NVL: variants seen among roughly 807,000 people sequenced by gnomAD.
NVL encodes the protein nuclear VCP like, also known as nuclear valosin-containing protein-like.
In NVL, 84 loss-of-function variants were observed where a neutral mutation model predicts 110.2. The ratio of observed to expected loss-of-function variants is 0.76; its 90% CI spans 0.64 to 0.91. The LOEUF is 0.91. Ranked by LOEUF, NVL falls within the 40% of genes least tolerant of loss-of-function variation. The pLI is 0.00. For synonymous variants in NVL, 354 were observed against 361.1 expected (o/e 0.98, Z 0.22); for missense variants, 882 against 1,035.9 (o/e 0.85, Z 2.04).
At chr1:224,258,831 T>C (rs74942340) in intron 18 of NVL, among the ~76,000 whole-genome samples, 8,484 of 151,916 alleles carry the variant, frequency 0.056, 275 homozygotes, top group East Asian at 0.098. Flanking sequence ...ATATCCAGAA[T>C]AGACAAATTT....
chr1:224,260,030 C>T (rs568020729), intron 18 of NVL, among the ~76,000 whole-genome samples: 1 of 152,280 alleles, frequency 6.6e-6, no homozygotes, highest in South Asian at 2.1e-4. Flanking sequence ...AGCCAAAGTT[C>T]TGGCTGGGCA....
chr1:224,289,149 G>C (rs1007012703), intron 13 of NVL: 1 of 229,600 alleles, frequency 4.4e-6, no homozygotes, highest in African/African-American at 2.3e-5. Flanking sequence ...AACGAAAGCA[G>C]AAACAGACAA....
intron 17 of NVL, among the ~76,000 whole-genome samples, chr1:224,270,489 C>T (rs1256511452): frequency 6.6e-6 from 1 of 152,100 alleles, no homozygotes; most frequent in Non-Finnish European, 1.5e-5. Flanking sequence ...ACCCGGGAGG[C>T]GGAGGCTGCA....
intron 17 of NVL, among the ~76,000 whole-genome samples, chr1:224,274,712 T>C (rs1452574829): frequency 6.6e-6 from 1 of 152,210 alleles, no homozygotes; most frequent in Non-Finnish European, 1.5e-5. Context: ...TTATTGTTTA[T>C]GTTATGCTTC....
chr1:224,262,264 A>T (rs1664069051), intron 18 of NVL, among the ~76,000 whole-genome samples: 1 of 152,186 alleles, frequency 6.6e-6, no homozygotes, highest in Non-Finnish European at 1.5e-5. Context: ...CAATGTCTAT[A>T]AATTATGAAG....
chr1:224,303,530 T>A, intron 9 of NVL, among the ~76,000 whole-genome samples, 193 bp downstream of exon 9: 1 of 149,308 alleles, frequency 6.7e-6, no homozygotes, highest in Non-Finnish European at 1.5e-5. Context: ...AAGTTGCTCG[T>A]GAGAAACAAT....
intron 20 of NVL, among the ~76,000 whole-genome samples, chr1:224,235,145 G>A (rs1460198693): frequency 6.6e-6 from 1 of 151,778 alleles, no homozygotes; most frequent in Non-Finnish European, 1.5e-5. Context: ...CTAAGCATAA[G>A]GCCATTTCTT....
chr1:224,309,899 G>A (rs1349993635), intron 5 of NVL, among the ~76,000 whole-genome samples: 2 of 152,002 alleles, frequency 1.3e-5, no homozygotes, highest in African/African-American at 4.8e-5. Flanking sequence ...GTGTGGTGGC[G>A]CACACCTTAA....
At chr1:224,329,962 G>A (rs1198552781) in intron 1 of NVL, 109 bp downstream of exon 1, 1 of 1,086,198 alleles carries the variant, frequency 9.2e-7, no homozygotes, top group African/African-American at 1.5e-5. Flanking sequence ...CCAGACTGGG[G>A]AAAGAAGACT....
At chr1:224,240,200 T>C (rs1661028062) in intron 19 of NVL, among the ~76,000 whole-genome samples, 1 of 151,626 alleles carries the variant, frequency 6.6e-6, no homozygotes, top group Admixed American at 6.6e-5. Flanking sequence ...CCCAAGTAGC[T>C]GGGATTACAG....
chr1:224,273,096 C>A (rs1487125209), intron 17 of NVL, among the ~76,000 whole-genome samples: 3 of 148,442 alleles, frequency 2.0e-5, no homozygotes, highest in African/African-American at 7.5e-5. Flanking sequence ...GAAAAGAAAA[C>A]CATATATATC....
chr1:224,276,232 AATT>A (rs1191224435), intron 16 of NVL, among the ~76,000 whole-genome samples: 1 of 152,048 alleles, frequency 6.6e-6, no homozygotes, highest in East Asian at 1.9e-4. Flanking sequence ...TTACAGTGCC[AATT>A]ATTATTATTA....
intron 10 of NVL, 43 bp downstream of exon 10, chr1:224,300,519 T>C: frequency 7.2e-7 from 1 of 1,385,692 alleles, no homozygotes; most frequent in Non-Finnish European, 1.0e-6. Flanking sequence ...TAATATAAGC[T>C]GGTAGCGTCT....
rs368260578 is a variant in NVL at position 224,269,130 on chromosome 1, G to A, written c.2083-997C>T. On this transcript the variant is annotated intron_variant, in intron 17 of 22. Coordinates refer to ENST00000281701, the MANE Select transcript of NVL (RefSeq NM_002533.4). ...TGAGACAGGGTTTTACTCTGTAGCCGAGGCTAGAGTGTACTGGTGTGATAT... is the reference window on the plus strand; with the variant it reads ...TGAGACAGGGTTTTACTCTGTAGCCAAGGCTAGAGTGTACTGGTGTGATAT... Among the ~76,000 whole-genome samples, 40 of 138,476 alleles carry A rather than the reference G, an allele frequency of 2.9e-4. 1 individual carries two copies. In the South Asian group the frequency reaches 3.4e-3, roughly 12 times the overall value. The allele number at this position is 138,476 out of a possible 152,430, so 90.8% of individuals were successfully genotyped here.
rs1661026101 is a variant in NVL at position 224,240,189 on chromosome 1, C to A, written c.2290-3607G>T. 2.6e-5 allele frequency among the ~76,000 whole-genome samples: 4 copies of A among 151,708 alleles called. No homozygotes were observed. The South Asian group carries it at 8.3e-4, about 32-fold the overall frequency. On this transcript the variant is annotated intron_variant, in intron 19 of 22. Coordinates refer to ENST00000281701, the MANE Select transcript of NVL (RefSeq NM_002533.4). ...TTCAAGCGATTCTCCTGCCTCAGCC[C>A]CCCAAGTAGCTGGGATTACAGTTGC...
rs372739111 is a variant in NVL at position 224,278,475 on chromosome 1, C to T, written c.1962+2648G>A. Among the ~76,000 whole-genome samples the T allele has an allele frequency of 6.6e-5, 10 of 152,166 alleles. No homozygotes were observed. The South Asian group carries it at 1.9e-3, about 28-fold the overall frequency. On this transcript the variant is annotated intron_variant, in intron 16 of 22. Transcript: ENST00000281701. ...TAAATTCTTGACCTCAAGTGATCTG[C>T]CCACCTTGGCCTCCCAAAGTGCAGG...
chr1:224,267,294 T>C (rs1664585866), intron 18 of NVL, among the ~76,000 whole-genome samples: 1 of 152,200 alleles, frequency 6.6e-6, no homozygotes. Flanking sequence ...ATCCTAAAAA[T>C]CTATCTTTAA....
In NVL at chr1:224,296,632, T is replaced by A; in HGVS notation, c.1063-14A>T. 2 of 1,493,676 alleles carry A rather than the reference T, an allele frequency of 1.3e-6. No homozygotes were observed. Among genetic ancestry groups the A allele is most frequent in the Admixed American group, 3.8e-5 (2 of 52,066 alleles). The allele number at this position is 1,493,676 out of a possible 1,614,324, so 92.5% of individuals were successfully genotyped here. A position where few individuals can be genotyped will look rare whatever the true frequency, so the allele number is the denominator to read the frequency against. ...TGGTGCATTTGACTAGAAATAAAAA[T>A]ATCACAAAAAGACAATCATAAATGC... On this transcript the variant is annotated splice_polypyrimidine_tract_variant and intron_variant, in intron 10 of 22. Transcript: ENST00000281701.
chr1:224,229,025 G>A (rs1659551849), intron 22 of NVL, among the ~76,000 whole-genome samples: 1 of 151,732 alleles, frequency 6.6e-6, no homozygotes, highest in Admixed American at 6.6e-5. Flanking sequence ...GCCAGGCGTG[G>A]TGGCTCAGGC....
Sources: gnomAD v4.1 joint callset for allele counts (sites outside exome capture counted in the v4.1 genomes callset) on GRCh38, gnomAD v4.1.1 for gene constraint, MANE v1.5 for transcripts, NCBI Gene and HGNC (gene_info 2026-07-23, HGNC 2026-07-21) for gene names.